SMARCA2: variants seen among roughly 807,000 people sequenced by gnomAD.
The protein encoded by SMARCA2 is SWI/SNF related BAF chromatin remodeling complex subunit ATPase 2.
SMARCA2 carries 61 observed loss-of-function variants against 199.8 expected under a neutral mutation model. The observed-to-expected ratio is 0.31, with a 90% CI of 0.25 to 0.38. The LOEUF (loss-of-function observed/expected upper bound fraction) is 0.38, where lower values mean the gene tolerates loss of function less well. Among genes scored for constraint, SMARCA2 ranks in the 10% least tolerant of loss-of-function variants. The pLI is 1.00. For missense variants in SMARCA2, 1,344 were observed against 2,012.2 expected (o/e 0.67, Z 6.35); for synonymous variants, 935 against 732.0 (o/e 1.28, Z -4.48).
intron 29 of SMARCA2, among the ~76,000 whole-genome samples, chr9:2,177,143 A>C (rs1280386416): frequency 6.6e-6 from 1 of 152,108 alleles, no homozygotes; most frequent in Non-Finnish European, 1.5e-5. Context: ...TATATATTAA[A>C]CTTCATAGGA....
intron 24 of SMARCA2, among the ~76,000 whole-genome samples, chr9:2,114,686 C>A: frequency 6.6e-6 from 1 of 152,116 alleles, no homozygotes; most frequent in East Asian, 1.9e-4. Context: ...TTCATGGGCT[C>A]ATGAAGGTTT....
At position 2,056,171 on chromosome 9, in the gene SMARCA2, A is replaced by G. The variant is rs1820345537; in HGVS notation, c.1174-501A>G. Among the ~76,000 whole-genome samples, 1 of 152,238 alleles carries G rather than the reference A, an allele frequency of 6.6e-6. No individual in the cohort carries two copies. Among genetic ancestry groups the G allele is most frequent in the Admixed American group, 6.5e-5 (1 of 15,290 alleles). On this transcript the variant is annotated intron_variant, in intron 6 of 33. Transcript: ENST00000349721. This position sits in a 1 kb window ranked among gnomAD's most constrained non-coding sequence, Gnocchi z 4.0. ...GGAGTGGGAAGAAGCCAAAACTCAT[A>G]TTTCCCATCCTTTGTATGAGACTAT...
At position 2,094,893 on chromosome 9, in the gene SMARCA2, C is replaced by G. The variant is rs536997578; in HGVS notation, c.2884-1764C>G. On this transcript the variant is annotated intron_variant, in intron 19 of 33. Coordinates refer to ENST00000349721, the MANE Select transcript of SMARCA2 (RefSeq NM_003070.5). ...AAAGTTGTTCAGCGTTTTTCTTTAC[C>G]CTTATCAAATGTCACTGTGAGTTAA... 1.6e-4 allele frequency among the ~76,000 whole-genome samples: 25 copies of G among 152,130 alleles called. No homozygotes were observed. The East Asian group carries it at 4.6e-3, about 28-fold the overall frequency.
At position 2,058,344 on chromosome 9, in the gene SMARCA2, G is replaced by A; in HGVS notation, c.1401G>A (p.Arg467=). 1 of 1,614,154 alleles carries A rather than the reference G, an allele frequency of 6.2e-7. No homozygotes were observed. Residue 467 remains arginine (R), a synonymous_variant, in exon 8 of 34, where the codon CGG becomes CGA. Coordinates refer to ENST00000349721, the MANE Select transcript of SMARCA2 (RefSeq NM_003070.5). ...QHAKDFKEYH[R]SVAGKIQKLS... is the part of the protein sequence containing the mutation. ...CAAAAGATTTTAAGGAATATCATCG[G>A]TCTGTGGCCGGAAAGATCCAGAAGC...
At chr9:2,057,019 C>T (rs1202409986) in intron 7 of SMARCA2, among the ~76,000 whole-genome samples, 174 bp downstream of exon 7, 1 of 152,292 alleles carries the variant, frequency 6.6e-6, no homozygotes, top group African/African-American at 2.4e-5. Context: ...TAGACAAAGA[C>T]GCTTAAGCCA....
chr9:2,032,720 A>C (rs1314317579), intron 2 of SMARCA2: 2 of 335,894 alleles, frequency 6.0e-6, no homozygotes, highest in Non-Finnish European at 1.1e-5. Flanking sequence ...ATTACAAAAA[A>C]CAAACAAACA....
At chr9:2,130,417 A>G (rs1344770071) in intron 27 of SMARCA2, among the ~76,000 whole-genome samples, 1 of 152,194 alleles carries the variant, frequency 6.6e-6, no homozygotes, top group Non-Finnish European at 1.5e-5. Context: ...TCTTGATCGT[A>G]AAGGTGGTGA....
intron 7 of SMARCA2, 97 bp from the exon 8 acceptor site, chr9:2,058,194 A>G: frequency 9.6e-7 from 1 of 1,042,550 alleles, no homozygotes; most frequent in South Asian, 1.4e-5. Flanking sequence ...ATGCTGTTAA[A>G]CACACACTGA....
intron 4 of SMARCA2, among the ~76,000 whole-genome samples, chr9:2,046,684 A>G (rs1819859198): frequency 6.6e-6 from 1 of 152,092 alleles, no homozygotes; most frequent in Admixed American, 6.5e-5. Context: ...TCTGTCCTAA[A>G]AGGGCTTCAG....
chr9:2,094,305 G>A (rs995012800), intron 19 of SMARCA2, among the ~76,000 whole-genome samples: 5 of 152,232 alleles, frequency 3.3e-5, no homozygotes, highest in Non-Finnish European at 7.3e-5. Context: ...CTTGAGAGCT[G>A]CTTGCCTCTC....
At chr9:2,153,641 C>T (rs1354481093) in intron 27 of SMARCA2, among the ~76,000 whole-genome samples, 1 of 152,114 alleles carries the variant, frequency 6.6e-6, no homozygotes, top group East Asian at 1.9e-4. Context: ...CTGTACTAAG[C>T]AAATGCTTAT....
intron 31 of SMARCA2, among the ~76,000 whole-genome samples, chr9:2,182,667 G>GT (rs776095297): frequency 6.6e-6 from 1 of 151,682 alleles, no homozygotes; most frequent in Non-Finnish European, 1.5e-5. Context: ...GCTGATTTTT[G>GT]TATTTGTAGT....
rs1563724625 is a variant in SMARCA2, at chr9:2,039,779, G to GCAGCAGCAGCAGCAGCAGCAGCAA, written c.692_693insACAGCAGCAGCAGCAGCAGCAGCA (p.Gln231_Gln238dup). On this transcript the variant is annotated inframe_insertion, in exon 4 of 34. Coordinates refer to ENST00000349721, the MANE Select transcript of SMARCA2 (RefSeq NM_003070.5). This position sits in a 1 kb window ranked among gnomAD's most constrained non-coding sequence, Gnocchi z 4.8. Reference sequence around the variant, plus strand: ...TGCAGCAACAACAGCAGCAGCAACAGCAGCAGCAGCAGCAGCAGCAGCAGC... The same window carrying GCAGCAGCAGCAGCAGCAGCAGCAA: ...TGCAGCAACAACAGCAGCAGCAACAGCAGCAGCAGCAGCAGCAGCAGCAACAGCAGCAGCAGCAGCAGCAGCAGC... The GCAGCAGCAGCAGCAGCAGCAGCAA allele has an allele frequency of 1.1e-6, 1 of 919,688 alleles. No individual in the cohort carries two copies. Among genetic ancestry groups the GCAGCAGCAGCAGCAGCAGCAGCAA allele is most frequent in the East Asian group, 1.1e-4 (1 of 9,176 alleles). The allele number at this position is 919,688 out of a possible 1,614,324, so 57.0% of individuals were successfully genotyped here.
chr9:2,174,859 A>ACAG lies in SMARCA2; in HGVS notation c.4253+4388_4253+4390dup, dbSNP rs1826452860. Among the ~76,000 whole-genome samples, 3 of 145,732 alleles carry ACAG rather than the reference A, an allele frequency of 2.1e-5. No individual in the cohort carries two copies. In the South Asian group the frequency reaches 6.7e-4, roughly 32 times the overall value. On this transcript the variant is annotated intron_variant, in intron 29 of 33. Coordinates refer to ENST00000349721, the MANE Select transcript of SMARCA2 (RefSeq NM_003070.5). ...TGCTTGAGCCTGGGAGGTCGAGGCT[A>ACAG]CAGTGCAGTGAGCCCTGATCGTGCT...
At chr9:2,088,370 G>A in intron 18 of SMARCA2, 130 bp from the exon 19 acceptor site, 1 of 1,025,512 alleles carries the variant, frequency 9.8e-7, no homozygotes, top group South Asian at 2.2e-5. Context: ...GATATGACAG[G>A]CTTAAACTTG....
Position 2,191,244 on chromosome 9 carries a change from ATT to A in SMARCA2, c.4595-20_4595-19del. 6.2e-7 allele frequency: 1 copy of A among 1,612,384 alleles called. No individual in the cohort carries two copies. Among genetic ancestry groups the A allele is most frequent in the Non-Finnish European group, 8.5e-7 (1 of 1,178,710 alleles). On this transcript the variant is annotated intron_variant, in intron 32 of 33. Coordinates refer to ENST00000349721, the MANE Select transcript of SMARCA2 (RefSeq NM_003070.5). ...TCCTTGTGATTACTCACTGGTGTCTATTTCATTTGCTTTGGTTTTAGCAAAAT... is the reference window on the plus strand; with the variant it reads ...TCCTTGTGATTACTCACTGGTGTCTATCATTTGCTTTGGTTTTAGCAAAAT...
At chr9:2,022,330 T>C (rs1391159613) in intron 1 of SMARCA2, among the ~76,000 whole-genome samples, 1 of 152,224 alleles carries the variant, frequency 6.6e-6, no homozygotes, top group East Asian at 1.9e-4. Flanking sequence ...TTTTATTTGA[T>C]TCGTATCAAA....
intron 2 of SMARCA2, among the ~76,000 whole-genome samples, chr9:2,030,885 CTTTTGTT>C (rs549275218): frequency 6.8e-4 from 103 of 152,236 alleles, no homozygotes; most frequent in African/African-American, 2.3e-3. Flanking sequence ...AGGGAAGATC[CTTTTGTT>C]AAAAGTGTTG....
chr9:2,167,993 T>C (rs1826020881), intron 28 of SMARCA2, among the ~76,000 whole-genome samples: 1 of 151,736 alleles, frequency 6.6e-6, no homozygotes, highest in Admixed American at 6.6e-5. Context: ...CAGGACATTA[T>C]AATAATATTT....
Sources: allele counts gnomAD v4.1 joint callset (sites outside exome capture counted in the v4.1 genomes callset), GRCh38; gene constraint gnomAD v4.1.1; non-coding constraint Gnocchi (gnomAD v3.1); transcripts MANE v1.5; gene names NCBI Gene and HGNC (gene_info 2026-07-23, HGNC 2026-07-21).